The following TRIM13 variants were observed in gnomAD, a reference collection of about 807,000 sequenced individuals.
TRIM13 encodes tripartite motif containing 13.
A neutral mutation model predicts 27.1 loss-of-function variants in TRIM13; 15 were observed. The ratio of observed to expected loss-of-function variants is 0.55; its 90% CI spans 0.37 to 0.85. The LOEUF is 0.85. Among genes scored for constraint, TRIM13 ranks in the 40% least tolerant of loss-of-function variants. TRIM13 has a pLI of 0.00. For synonymous variants in TRIM13, 193 were observed against 171.5 expected (o/e 1.13, Z -0.98); for missense variants, 402 against 472.2 (o/e 0.85, Z 1.38).
Position 50,016,997 on chromosome 13 carries a change from A to C in TRIM13, c.*3833A>C, listed in dbSNP as rs1242964611. On this transcript the variant is annotated 3_prime_UTR_variant, in exon 2 of 2. Transcript: ENST00000378182. ...CTTGGTCTTGCTTACCAACTGGAGG[A>C]CACTAGGTAGAATAACCGAGTATGA... is the stretch of plus-strand genomic sequence containing the variant. 1 of 166,946 alleles carries C rather than the reference A, an allele frequency of 6.0e-6. No homozygotes were observed. 10.3% of individuals were successfully genotyped at this position (166,946 alleles called of 1,614,324 possible). A position where few individuals can be genotyped will look rare whatever the true frequency, so the allele number is the denominator to read the frequency against.
In TRIM13 at chr13:50,015,530, G is replaced by A. The variant is rs1876428730; in HGVS notation, c.*2366G>A. The A allele has an allele frequency of 1.2e-6, 2 of 1,613,808 alleles. No homozygotes were observed. Among genetic ancestry groups the A allele is most frequent in the Non-Finnish European group, 1.7e-6 (2 of 1,179,834 alleles). Reference sequence around the variant, plus strand: ...GGAACTGGTCACTTTGAATGTGGGAGGGAAGATATTCACGACAAGGTTTTC... The same window carrying A: ...GGAACTGGTCACTTTGAATGTGGGAAGGAAGATATTCACGACAAGGTTTTC... On this transcript the variant is annotated 3_prime_UTR_variant, in exon 2 of 2. Coordinates refer to ENST00000378182, the MANE Select transcript of TRIM13 (RefSeq NM_213590.3).
rs1408465772 is a variant in TRIM13 at position 50,017,250 on chromosome 13, GA to G, written c.*4087del. 1.9e-4 allele frequency: 32 copies of G among 167,070 alleles called. No homozygotes were observed. The highest frequency in any genetic ancestry group is 7.7e-4 in the African/African-American group (32 of 41,514). The allele number at this position is 167,070 out of a possible 1,614,324, so 10.3% of individuals were successfully genotyped here. Reference sequence around the variant, plus strand: ...TATGAGTGATTATGACCTCTTTGGGGATCATGCTTCAAAAAGTCAGAAACCT... The same window carrying G: ...TATGAGTGATTATGACCTCTTTGGGGTCATGCTTCAAAAAGTCAGAAACCT... On this transcript the variant is annotated 3_prime_UTR_variant, in exon 2 of 2. Transcript: ENST00000378182.
At position 50,015,088 on chromosome 13, in the gene TRIM13, AAAAAAAATATATAT is replaced by A. The variant is rs1876253419; in HGVS notation, c.*1926_*1939del. 2.6e-4 allele frequency: 13 copies of A among 49,260 alleles called. No individual in the cohort carries two copies. The highest frequency in any genetic ancestry group is 6.0e-4 in the African/African-American group (6 of 9,944). 3.1% of individuals were successfully genotyped at this position (49,260 alleles called of 1,614,324 possible). ...CCCTCCCAGTAATAAAAAAAAAAAA[AAAAAAAATATATAT>A]ATATATATATATATATATATATATA... is the stretch of plus-strand genomic sequence containing the variant. On this transcript the variant is annotated 3_prime_UTR_variant, in exon 2 of 2. Coordinates refer to ENST00000378182, the MANE Select transcript of TRIM13 (RefSeq NM_213590.3).
At chr13:50,008,332 A>G (rs963146166) in intron 1 of TRIM13, among the ~76,000 whole-genome samples, 4 of 152,084 alleles carry the variant, frequency 2.6e-5, no homozygotes, top group African/African-American at 9.7e-5. Flanking sequence ...AATATGTAGT[A>G]CTCTTTGGTT....
Position 50,015,504 on chromosome 13 carries a change from A to G in TRIM13, c.*2340A>G. The G allele has an allele frequency of 6.2e-7, 1 of 1,611,268 alleles. No homozygotes were observed. Among genetic ancestry groups the G allele is most frequent in the Non-Finnish European group, 8.5e-7 (1 of 1,178,238 alleles). On this transcript the variant is annotated 3_prime_UTR_variant, in exon 2 of 2. Coordinates refer to ENST00000378182, the MANE Select transcript of TRIM13 (RefSeq NM_213590.3). The stretch of plus-strand genomic sequence containing the variant: ...TGAAGTGAGGGAAGAATGAGTAGTC[A>G]GGAACTGGTCACTTTGAATGTGGGA...
chr13:49,997,132 G>T lies in TRIM13; in HGVS notation c.-638G>T, dbSNP rs1873310118. On this transcript the variant is annotated 5_prime_UTR_variant, in exon 1 of 2. Transcript: ENST00000378182. ...GCGCGGCCTTTCCCACTAGCCGGAG[G>T]TCGGAGATAAGTACCCGCCGCCCGG... 6.6e-6 allele frequency: 1 copy of T among 152,150 alleles called. No homozygotes were observed. The highest frequency in any genetic ancestry group is 1.5e-5 in the Non-Finnish European group (1 of 68,154). The allele number at this position is 152,150 out of a possible 1,614,324, so 9.4% of individuals were successfully genotyped here. A position where few individuals can be genotyped will look rare whatever the true frequency, so the allele number is the denominator to read the frequency against.
intron 1 of TRIM13, among the ~76,000 whole-genome samples, chr13:50,003,455 ATAGG>A (rs1373187549): frequency 1.3e-5 from 2 of 152,224 alleles, no homozygotes; most frequent in Non-Finnish European, 2.9e-5. Context: ...TCTTTTACTA[ATAGG>A]TTTTATAAGG....
rs1876252850 is a variant in TRIM13 at position 50,015,088 on chromosome 13, AAAAAAAATAT to A, written c.*1926_*1935del. On this transcript the variant is annotated 3_prime_UTR_variant, in exon 2 of 2. Coordinates refer to ENST00000378182, the MANE Select transcript of TRIM13 (RefSeq NM_213590.3). ...CCCTCCCAGTAATAAAAAAAAAAAA[AAAAAAAATAT>A]ATATATATATATATATATATATATA... 2 of 49,250 alleles carry A rather than the reference AAAAAAAATAT, an allele frequency of 4.1e-5. No individual in the cohort carries two copies. The highest frequency in any genetic ancestry group is 1.0e-4 in the African/African-American group (1 of 9,934). The allele number at this position is 49,250 out of a possible 1,614,324, so 3.1% of individuals were successfully genotyped here.
chr13:50,008,012 C>T (rs1391301938), intron 1 of TRIM13, among the ~76,000 whole-genome samples: 1 of 151,638 alleles, frequency 6.6e-6, no homozygotes, highest in Non-Finnish European at 1.5e-5. Context: ...TCACACCATT[C>T]TCCTGCCTCA....
At chr13:50,008,175 G>C (rs531666389) in intron 1 of TRIM13, among the ~76,000 whole-genome samples, 2 of 152,240 alleles carry the variant, frequency 1.3e-5, no homozygotes, top group Non-Finnish European at 1.5e-5. Flanking sequence ...AAAGTGCTGG[G>C]ATTACAGGCA....
intron 1 of TRIM13, among the ~76,000 whole-genome samples, chr13:50,009,020 C>CAAAAAA (rs35407149): frequency 4.4e-5 from 3 of 68,046 alleles, no homozygotes; most frequent in African/African-American, 1.0e-4. Context: ...AAAGCTGTCT[C>CAAAAAA]AAAAAAAAAA....
chr13:50,013,320 A>G lies in TRIM13; in HGVS notation c.*156A>G, dbSNP rs1351147223. ...CATGTTCAAATTAGGTAGCATAAAG[A>G]TAAAAGTGAAATTTAGTAGTATAGG... On this transcript the variant is annotated 3_prime_UTR_variant, in exon 2 of 2. Coordinates refer to ENST00000378182, the MANE Select transcript of TRIM13 (RefSeq NM_213590.3). 1 of 811,600 alleles carries G rather than the reference A, an allele frequency of 1.2e-6. No homozygotes were observed. Among genetic ancestry groups the G allele is most frequent in the East Asian group, 3.0e-5 (1 of 33,512 alleles). 50.3% of individuals were successfully genotyped at this position (811,600 alleles called of 1,614,324 possible). A position where few individuals can be genotyped will look rare whatever the true frequency, so the allele number is the denominator to read the frequency against.
Position 50,013,034 on chromosome 13 carries a change from T to G in TRIM13, c.1094T>G (p.Ile365Arg). 2.5e-6 allele frequency: 4 copies of G among 1,613,984 alleles called. No individual in the cohort carries two copies. The highest frequency in any genetic ancestry group is 3.4e-6 in the Non-Finnish European group (4 of 1,179,970). Reference protein sequence around the residue: ...SSYLTKTADFIEQSVFYWEQV... With the variant: ...SSYLTKTADFREQSVFYWEQV... ...TATCTGACTAAAACAGCCGATTTCA[T>G]AGAACAATCAGTTTTTTACTGGGAA... Residue 365 changes from isoleucine to arginine, a missense_variant, in exon 2 of 2, where the codon ATA (isoleucine) becomes AGA (arginine). Ile to Arg is a moderately conservative substitution (Grantham distance 97). Transcript: ENST00000378182.
At chr13:50,004,004 C>T (rs1288687390) in intron 1 of TRIM13, among the ~76,000 whole-genome samples, 1 of 152,126 alleles carries the variant, frequency 6.6e-6, no homozygotes, top group Non-Finnish European at 1.5e-5. Context: ...ATTTGTGCTT[C>T]AAAATTTAAG....
At chr13:50,011,278 G>A (rs1261798729) in intron 1 of TRIM13, among the ~76,000 whole-genome samples, 1 of 152,168 alleles carries the variant, frequency 6.6e-6, no homozygotes, top group East Asian at 1.9e-4. Context: ...CCACCACATT[G>A]TGAAAATTGA....
At chr13:50,000,171 A>G (rs999288525) in intron 1 of TRIM13, among the ~76,000 whole-genome samples, 7 of 152,170 alleles carry the variant, frequency 4.6e-5, no homozygotes, top group Non-Finnish European at 1.0e-4. Context: ...GTATGGTAAC[A>G]AGTGTGTCTT....
rs1311282812 is a variant in TRIM13 at position 50,018,264 on chromosome 13, G to T, written c.*5100G>T. 6.0e-6 allele frequency: 1 copy of T among 166,888 alleles called. No individual in the cohort carries two copies. Among genetic ancestry groups the T allele is most frequent in the Non-Finnish European group, 1.5e-5 (1 of 68,096 alleles). 10.3% of individuals were successfully genotyped at this position (166,888 alleles called of 1,614,324 possible). ...ATTTTAGCTAGGTGATGTCTTGCAA[G>T]TACGTTCCACTTTGTTACAATCTAC... is the stretch of plus-strand genomic sequence containing the variant. On this transcript the variant is annotated 3_prime_UTR_variant, in exon 2 of 2. Transcript: ENST00000378182.
rs1363124863 is a variant in TRIM13 at position 50,015,487 on chromosome 13, G to C, written c.*2323G>C. On this transcript the variant is annotated 3_prime_UTR_variant, in exon 2 of 2. Transcript: ENST00000378182. ...GATGGTAGCCTCTAGTTTGAAGTGAGGGAAGAATGAGTAGTCAGGAACTGG... is the reference window on the plus strand; with the variant it reads ...GATGGTAGCCTCTAGTTTGAAGTGACGGAAGAATGAGTAGTCAGGAACTGG... 2 of 1,594,830 alleles carry C rather than the reference G, an allele frequency of 1.3e-6. No homozygotes were observed. Among genetic ancestry groups the C allele is most frequent in the Non-Finnish European group, 1.7e-6 (2 of 1,168,030 alleles).
At position 50,012,718 on chromosome 13, in the gene TRIM13, A is replaced by G; in HGVS notation, c.778A>G (p.Lys260Glu). 6.2e-7 allele frequency: 1 copy of G among 1,614,122 alleles called. No individual in the cohort carries two copies. Among genetic ancestry groups the G allele is most frequent in the Non-Finnish European group, 8.5e-7 (1 of 1,180,010 alleles). Reference sequence around the variant, plus strand: ...GATGCAGGAGTTTAGAGAGAAAATCAAAGTAATCAAGGAAACTCCTTTACC... The same window carrying G: ...GATGCAGGAGTTTAGAGAGAAAATCGAAGTAATCAAGGAAACTCCTTTACC... ...QQMQEFREKI[K>E]VIKETPLPPS... The change falls in exon 2 of 2, where the codon AAA becomes GAA. Residue 260 changes from lysine to glutamate, a missense_variant. This residue lies in a region of TRIM13 where 200 missense variants were observed against 194.7 expected (regional missense o/e 1.03). Transcript: ENST00000378182.
Sources: allele counts gnomAD v4.1 joint callset (sites outside exome capture counted in the v4.1 genomes callset), GRCh38; gene constraint gnomAD v4.1.1; regional missense constraint gnomAD v4.1.1; transcripts MANE v1.5; gene names NCBI Gene and HGNC (gene_info 2026-07-23, HGNC 2026-07-21).